Variants in NOP53 observed in about 807,000 individuals in gnomAD.
NOP53 encodes NOP53 ribosome biogenesis factor.
A neutral mutation model predicts 61.0 loss-of-function variants in NOP53; 40 were observed. The ratio of observed to expected loss-of-function variants is 0.66; its 90% CI spans 0.51 to 0.85. The LOEUF is 0.85. Ranked by LOEUF, NOP53 falls within the 40% of genes least tolerant of loss-of-function variation. NOP53 has a pLI of 0.00. For missense variants in NOP53, 689 were observed against 652.9 expected, an observed-to-expected ratio of 1.06 and a Z score of -0.60; for synonymous variants, 308 against 289.5, an observed-to-expected ratio of 1.06 and a Z score of -0.65.
At chr19:47,752,480 G>A (rs1421450005) in intron 5 of NOP53, 32 bp from the exon 6 acceptor site, 10 of 1,386,600 alleles carry the variant, frequency 7.2e-6, no homozygotes, top group Middle Eastern at 1.9e-4. Context: ...CCCAACGCAC[G>A]GCCTTACCCT....
intron 6 of NOP53, chr19:47,753,767 A>G (rs1345450996): frequency 6.6e-6 from 1 of 152,254 alleles, no homozygotes; most frequent in Non-Finnish European, 1.5e-5. Context: ...GATAAAATTC[A>G]CTTAACCATA....
chr19:47,754,390 A>G lies in NOP53; in HGVS notation c.766-137A>G. ...CTCTGTGCAGGGTGGGTGTGCTGGT[A>G]GACGGGGTGTGGGGAGGAAAGCCTG... On this transcript the variant is annotated intron_variant, in intron 6 of 12. Coordinates refer to ENST00000246802, the MANE Select transcript of NOP53 (RefSeq NM_015710.5). This position sits in a 1 kb window ranked among gnomAD's most constrained non-coding sequence, Gnocchi z 4.2. 3 of 686,376 alleles carry G rather than the reference A, an allele frequency of 4.4e-6. No individual in the cohort carries two copies. The highest frequency in any genetic ancestry group is 1.7e-5 in the South Asian group (1 of 57,260). 42.5% of individuals were successfully genotyped at this position (686,376 alleles called of 1,614,324 possible).
intron 3 of NOP53, among the ~76,000 whole-genome samples, chr19:47,750,568 C>G (rs1028099153): frequency 6.6e-6 from 1 of 151,884 alleles, no homozygotes; most frequent in Non-Finnish European, 1.5e-5. Flanking sequence ...GGGGCATGAG[C>G]GGGTGAGAGG....
At position 47,745,700 on chromosome 19, in the gene NOP53, C is replaced by T. The variant is rs1382817962; in HGVS notation, c.141C>T (p.Gly47=). 3.1e-6 allele frequency: 5 copies of T among 1,611,896 alleles called. No homozygotes were observed. The African/African-American group carries it at 5.3e-5, about 17-fold the overall frequency. ...GAGGCCCAAGAAATAAGAAGCGGGG[C>T]TGGCGGCGGCTTGCTCAGGAGCCGC... The part of the protein sequence containing the change: ...RRRGPRNKKR[G]WRRLAQEPLG... The change falls in exon 1 of 13, where the codon GGC becomes GGT. Residue 47 remains glycine, a synonymous_variant. Transcript: ENST00000246802.
intron 2 of NOP53, among the ~76,000 whole-genome samples, chr19:47,749,959 T>C (rs1967104706): frequency 6.6e-6 from 1 of 152,130 alleles, no homozygotes; most frequent in Non-Finnish European, 1.5e-5. Context: ...GGGGCCTGCC[T>C]CCTGCTGGCC....
intron 5 of NOP53, 124 bp from the exon 6 acceptor site, chr19:47,752,388 G>A (rs942209726): frequency 1.6e-6 from 1 of 638,888 alleles, no homozygotes; most frequent in Non-Finnish European, 2.8e-6. Flanking sequence ...TCACCTGAAT[G>A]CCCCTTGAGC....
chr19:47,754,227 A>C lies in NOP53; in HGVS notation c.766-300A>C. Reference sequence around the variant, plus strand: ...AGGAGGCGGGGGTTGTGGTGAGCTGAGATCACACCATTGCACTCCAGTCTG... The same window carrying C: ...AGGAGGCGGGGGTTGTGGTGAGCTGCGATCACACCATTGCACTCCAGTCTG... On this transcript the variant is annotated intron_variant, in intron 6 of 12. Transcript: ENST00000246802. This position sits in a 1 kb window ranked among gnomAD's most constrained non-coding sequence, Gnocchi z 4.2. The C allele has an allele frequency of 2.9e-6, 1 of 350,194 alleles. No individual in the cohort carries two copies. The highest frequency in any genetic ancestry group is 5.2e-6 in the Non-Finnish European group (1 of 190,594). 21.7% of individuals were successfully genotyped at this position (350,194 alleles called of 1,614,324 possible). A position where few individuals can be genotyped will look rare whatever the true frequency, so the allele number is the denominator to read the frequency against.
chr19:47,745,611 G>A lies in NOP53; in HGVS notation c.52G>A (p.Ala18Thr), dbSNP rs1315408403. The A allele has an allele frequency of 3.1e-6, 5 of 1,613,974 alleles. No individual in the cohort carries two copies. The highest frequency in any genetic ancestry group is 2.2e-5 in the South Asian group (2 of 91,088). ...TGGGAAGCGCAGCTCGAAAAGCGAT[G>A]CCGATTCTGGTTTCCTGGGGCTGCG... The part of the protein sequence containing the change: ...VGGKRSSKSD[A>T]DSGFLGLRPT... Residue 18 changes from alanine to threonine, a missense_variant, in exon 1 of 13, where the codon GCC becomes ACC. Transcript: ENST00000246802.
At chr19:47,756,905 C>T in intron 12 of NOP53, 94 bp from the exon 13 acceptor site, 1 of 1,567,418 alleles carries the variant, frequency 6.4e-7, no homozygotes, top group African/African-American at 1.4e-5. Flanking sequence ...TTGGGAGGGT[C>T]CCCAAAGGGA....
At position 47,754,921 on chromosome 19, in the gene NOP53, C is replaced by T; in HGVS notation, c.1053+30C>T. The T allele has an allele frequency of 6.8e-7, 1 of 1,478,528 alleles. No individual in the cohort carries two copies. The highest frequency in any genetic ancestry group is 8.9e-7 in the Non-Finnish European group (1 of 1,124,382). The allele number at this position is 1,478,528 out of a possible 1,614,324, so 91.6% of individuals were successfully genotyped here. On this transcript the variant is annotated intron_variant, in intron 8 of 12. Coordinates refer to ENST00000246802, the MANE Select transcript of NOP53 (RefSeq NM_015710.5). The surrounding 1 kb of genome is among the most constrained non-coding windows in gnomAD (Gnocchi z 4.2). ...GCGCCTGGGCCAGCGGGGCCTGCCT[C>T]TGATGCCTCGCCCCCTTCCTTCCTT...
chr19:47,754,296 G>T lies in NOP53; in HGVS notation c.766-231G>T. 1.9e-6 allele frequency: 1 copy of T among 533,350 alleles called. No homozygotes were observed. Among genetic ancestry groups the T allele is most frequent in the Non-Finnish European group, 3.4e-6 (1 of 296,794 alleles). The allele number at this position is 533,350 out of a possible 1,614,324, so 33.0% of individuals were successfully genotyped here. ...CTATCTCAAAAAAAAAATGTGAAGCGTGCAGGTCAGACTGCCTTCACAGAC... is the reference window on the plus strand; with the variant it reads ...CTATCTCAAAAAAAAAATGTGAAGCTTGCAGGTCAGACTGCCTTCACAGAC... On this transcript the variant is annotated intron_variant, in intron 6 of 12. Coordinates refer to ENST00000246802, the MANE Select transcript of NOP53 (RefSeq NM_015710.5). The surrounding 1 kb of genome is among the most constrained non-coding windows in gnomAD (Gnocchi z 4.2).
In NOP53 at chr19:47,754,868, C is replaced by CGGGAGAAGGCTGTGCACAGGCTGGT; in HGVS notation, c.1032_1053+3dup. 1 of 1,522,972 alleles carries CGGGAGAAGGCTGTGCACAGGCTGGT rather than the reference C, an allele frequency of 6.6e-7. No individual in the cohort carries two copies. Among genetic ancestry groups the CGGGAGAAGGCTGTGCACAGGCTGGT allele is most frequent in the Non-Finnish European group, 8.7e-7 (1 of 1,145,142 alleles). The allele number at this position is 1,522,972 out of a possible 1,614,324, so 94.3% of individuals were successfully genotyped here. On this transcript the variant is annotated frameshift_variant, in exon 8 of 13. Transcript: ENST00000246802. LOFTEE classifies it high-confidence loss of function. This position sits in a 1 kb window ranked among gnomAD's most constrained non-coding sequence, Gnocchi z 4.2. Reference sequence around the variant, plus strand: ...GAAGAAGACGGAGCAGCAGCGGCGGCGGGAGAAGGCTGTGCACAGGCTGGT... The same window carrying CGGGAGAAGGCTGTGCACAGGCTGGT: ...GAAGAAGACGGAGCAGCAGCGGCGGCGGGAGAAGGCTGTGCACAGGCTGGTGGGAGAAGGCTGTGCACAGGCTGGT...
At chr19:47,750,857 G>C (rs146232605) in intron 3 of NOP53, 51 bp from the exon 4 acceptor site, 1 of 1,492,822 alleles carries the variant, frequency 6.7e-7, no homozygotes, top group Non-Finnish European at 9.1e-7. Context: ...CCCTGCTGCC[G>C]TTCAGGCTGC....
In NOP53 at chr19:47,754,607, C is replaced by T. The variant is rs545050400; in HGVS notation, c.846C>T (p.Pro282=). The change falls in exon 7 of 13, where the codon CCC becomes CCT. Residue 282 remains proline (P), a synonymous_variant. Coordinates refer to ENST00000246802, the MANE Select transcript of NOP53 (RefSeq NM_015710.5). This position sits in a 1 kb window ranked among gnomAD's most constrained non-coding sequence, Gnocchi z 4.2. ...AGCTGGAGCGGCAGCTGGCCCTGCCCGCCACGGAGCAGGCCGCCACCCAGG... is the reference window on the plus strand; with the variant it reads ...AGCTGGAGCGGCAGCTGGCCCTGCCTGCCACGGAGCAGGCCGCCACCCAGG... ...AEKLERQLAL[P]ATEQAATQES... The T allele has an allele frequency of 5.6e-5, 87 of 1,549,650 alleles. 1 individual carries two copies. Among genetic ancestry groups the T allele is most frequent in the South Asian group, 3.2e-4 (27 of 84,006 alleles).
intron 2 of NOP53, among the ~76,000 whole-genome samples, chr19:47,747,370 G>T (rs531997951): frequency 6.6e-6 from 1 of 152,082 alleles, no homozygotes; most frequent in Admixed American, 6.6e-5. Flanking sequence ...TGCCGGTTGC[G>T]GTGAGTCACG....
At chr19:47,746,162 G>T in intron 1 of NOP53, 1 of 181,986 alleles carries the variant, frequency 5.5e-6, no homozygotes, top group Non-Finnish European at 1.2e-5. Context: ...ATATATATAT[G>T]TGTATATGTG....
chr19:47,750,913 T>C lies in NOP53; in HGVS notation c.404T>C (p.Leu135Pro). 6.3e-7 allele frequency: 1 copy of C among 1,586,992 alleles called. No individual in the cohort carries two copies. The highest frequency in any genetic ancestry group is 2.3e-5 in the East Asian group (1 of 43,926). The change falls in exon 4 of 13, where the codon CTC (leucine) becomes CCC (proline). Residue 135 changes from leucine (L) to proline (P), a missense_variant. Physicochemically the swap from Leu to Pro is moderately conservative, Grantham distance 98. Transcript: ENST00000246802. ...TGCCCCCTCTCCCCGACCAGCGTCC[T>C]CGCCCACCAGGTCCCCAACGCCAAG... is the stretch of plus-strand genomic sequence containing the variant. ...TSKVPAPKDV[L>P]AHQVPNAKKL...
At chr19:47,755,637 C>A in intron 9 of NOP53, 114 bp downstream of exon 9, 1 of 1,340,476 alleles carries the variant, frequency 7.5e-7, no homozygotes, top group South Asian at 1.4e-5. Flanking sequence ...GGGAGACCAC[C>A]TCTTCCCCCA....
rs1045020363 is a variant in NOP53 at position 47,755,336 on chromosome 19, C to G, written c.1054-12C>G. Reference sequence around the variant, plus strand: ...CACCGGCCTGAGCCCTGACCCTCCCCCGTCTCCACAGCGGGTACAGCAGGC... The same window carrying G: ...CACCGGCCTGAGCCCTGACCCTCCCGCGTCTCCACAGCGGGTACAGCAGGC... On this transcript the variant is annotated splice_polypyrimidine_tract_variant and intron_variant, in intron 8 of 12. Coordinates refer to ENST00000246802, the MANE Select transcript of NOP53 (RefSeq NM_015710.5). The G allele has an allele frequency of 5.4e-5, 80 of 1,484,502 alleles. No homozygotes were observed. The highest frequency in any genetic ancestry group is 6.8e-5 in the Non-Finnish European group (76 of 1,125,452). 92.0% of individuals were successfully genotyped at this position (1,484,502 alleles called of 1,614,324 possible).
Sources: gnomAD v4.1 joint callset for allele counts (sites outside exome capture counted in the v4.1 genomes callset) on GRCh38, gnomAD v4.1.1 for gene constraint, Gnocchi (gnomAD v3.1) non-coding constraint, MANE v1.5 for transcripts, NCBI Gene and HGNC (gene_info 2026-07-23, HGNC 2026-07-21) for gene names.